Variants in LHPP observed in about 807,000 individuals in gnomAD.
LHPP encodes the protein hLHPP.
A neutral mutation model predicts 30.3 loss-of-function variants in LHPP; 24 were observed. The ratio of observed to expected loss-of-function variants is 0.79; its 90% CI spans 0.57 to 1.11. LHPP has a LOEUF of 1.11. Among genes scored for constraint, LHPP ranks in the 50% most tolerant of loss-of-function variants. LHPP has a pLI of 0.00. For missense variants in LHPP, 356 were observed against 367.2 expected, an observed-to-expected ratio of 0.97 and a Z score of 0.25; for synonymous variants, 150 against 157.1, an observed-to-expected ratio of 0.95 and a Z score of 0.34.
At chr10:124,531,050 T>TC in intron 6 of LHPP, among the ~76,000 whole-genome samples, 1 of 152,122 alleles carries the variant, frequency 6.6e-6, no homozygotes, top group Non-Finnish European at 1.5e-5. Flanking sequence ...CCCGCCAAGC[T>TC]CCCCTCCTGC....
chr10:124,587,515 C>T (rs1948819913), intron 6 of LHPP, among the ~76,000 whole-genome samples: 2 of 151,184 alleles, frequency 1.3e-5, no homozygotes, highest in South Asian at 2.1e-4. Flanking sequence ...CCGAGACGGG[C>T]GGATCACCTG....
At chr10:124,470,558 C>T (rs1052194852) in intron 1 of LHPP, among the ~76,000 whole-genome samples, 1 of 151,966 alleles carries the variant, frequency 6.6e-6, no homozygotes, top group African/African-American at 2.4e-5. Flanking sequence ...TCCAGCTGGT[C>T]CTGGCACCCC....
In LHPP at chr10:124,485,489, G is replaced by A. The variant is rs898790945; in HGVS notation, c.313+1163G>A. 2.6e-5 allele frequency among the ~76,000 whole-genome samples: 4 copies of A among 151,554 alleles called. No individual in the cohort carries two copies. The South Asian group carries it at 6.2e-4, about 24-fold the overall frequency. On this transcript the variant is annotated intron_variant, in intron 2 of 6. Transcript: ENST00000368842. ...CCGTGTTTTCAATAACTAGACCCTT[G>A]TTTTCAGACTTGGAATTTTTTTTTT...
chr10:124,513,600 G>T (rs1459936084), intron 5 of LHPP, among the ~76,000 whole-genome samples: 1 of 150,428 alleles, frequency 6.6e-6, no homozygotes, highest in Non-Finnish European at 1.5e-5. Context: ...GAGTATCTGG[G>T]ATTACAGGTG....
At chr10:124,542,356 C>T (rs1955217752) in intron 6 of LHPP, among the ~76,000 whole-genome samples, 1 of 152,210 alleles carries the variant, frequency 6.6e-6, no homozygotes, top group African/African-American at 2.4e-5. Flanking sequence ...CAGAGAGGTA[C>T]GAATACATCT....
intron 5 of LHPP, among the ~76,000 whole-genome samples, chr10:124,511,934 C>A (rs999863954): frequency 6.6e-6 from 1 of 152,050 alleles, no homozygotes; most frequent in African/African-American, 2.4e-5. Context: ...TGTCCTACAA[C>A]CTGGTTGGCC....
At chr10:124,506,105 C>T (rs904986394) in intron 5 of LHPP, among the ~76,000 whole-genome samples, 2 of 152,064 alleles carry the variant, frequency 1.3e-5, no homozygotes, top group Non-Finnish European at 2.9e-5. Flanking sequence ...ATTAACTGGG[C>T]ATGGTGGCTG....
intron 5 of LHPP, among the ~76,000 whole-genome samples, chr10:124,507,281 G>T (rs1231120989): frequency 1.0e-5 from 1 of 95,802 alleles, no homozygotes; most frequent in African/African-American, 5.2e-5. Flanking sequence ...ATTTCAGGTG[G>T]GGGGGTAGGG....
At chr10:124,519,679 A>G (rs1342573210) in intron 6 of LHPP, among the ~76,000 whole-genome samples, 1 of 152,128 alleles carries the variant, frequency 6.6e-6, no homozygotes, top group Non-Finnish European at 1.5e-5. Flanking sequence ...TATAAGTGAG[A>G]ACATACAGTG....
intron 3 of LHPP, among the ~76,000 whole-genome samples, chr10:124,493,017 G>T (rs938330664): frequency 2.0e-5 from 3 of 151,290 alleles, no homozygotes; most frequent in African/African-American, 7.3e-5. Flanking sequence ...GTAAGATTCC[G>T]TCTCTACAAA....
At position 124,517,311 on chromosome 10, in the gene LHPP, G is replaced by C. The variant is rs1436641467; in HGVS notation, c.716+40G>C. The C allele has an allele frequency of 1.6e-6, 2 of 1,281,522 alleles. No homozygotes were observed. Among genetic ancestry groups the C allele is most frequent in the Non-Finnish European group, 2.2e-6 (2 of 921,026 alleles). The allele number at this position is 1,281,522 out of a possible 1,614,324, so 79.4% of individuals were successfully genotyped here. ...GAGTCATTTATTCACCTTCCTTCCA[G>C]GGGATGACCACATTCTCATTCTGTT... On this transcript the variant is annotated intron_variant, in intron 6 of 6. Transcript: ENST00000368842. The surrounding 1 kb of genome is among the most constrained non-coding windows in gnomAD (Gnocchi z 4.1).
At chr10:124,552,679 G>C (rs12241406) in intron 6 of LHPP, among the ~76,000 whole-genome samples, 1 of 152,016 alleles carries the variant, frequency 6.6e-6, no homozygotes, top group Admixed American at 6.5e-5. Context: ...TGGACTGGAC[G>C]CGTGGCTGCC....
chr10:124,602,093 A>G (rs899158917), intron 6 of LHPP, among the ~76,000 whole-genome samples: 2 of 152,176 alleles, frequency 1.3e-5, no homozygotes, highest in African/African-American at 2.4e-5. Context: ...GCCAGAGTCA[A>G]CCAGCCCACC....
intron 6 of LHPP, among the ~76,000 whole-genome samples, chr10:124,537,608 A>C (rs935722196): frequency 6.6e-6 from 1 of 152,172 alleles, no homozygotes; most frequent in African/African-American, 2.4e-5. Flanking sequence ...CGTGCTCGTG[A>C]GAGATGGCAG....
rs1412515567 is a variant in LHPP at position 124,593,025 on chromosome 10, A to C, written c.717-20239A>C. On this transcript the variant is annotated intron_variant, in intron 6 of 6. Transcript: ENST00000368842. This position sits in a 1 kb window ranked among gnomAD's most constrained non-coding sequence, Gnocchi z 4.9. ...CAGCTATGATTGATGAGGTGGCCTC[A>C]GTCGGCGTTTCGGGGAACCGGGTAC... Among the ~76,000 whole-genome samples the C allele has an allele frequency of 6.6e-6, 1 of 152,224 alleles. No individual in the cohort carries two copies.
chr10:124,611,180 G>C (rs1949193198), intron 6 of LHPP, among the ~76,000 whole-genome samples: 1 of 151,426 alleles, frequency 6.6e-6, no homozygotes, highest in African/African-American at 2.4e-5. Context: ...GGCATCTGTA[G>C]GTGCCCCTGC....
intron 6 of LHPP, among the ~76,000 whole-genome samples, chr10:124,563,228 C>A (rs774283822): frequency 2.0e-5 from 3 of 151,832 alleles, no homozygotes; most frequent in Non-Finnish European, 4.4e-5. Flanking sequence ...ATCCAGGTGT[C>A]CTTCAGTGGG....
At chr10:124,501,263 A>C (rs1438532530) in intron 5 of LHPP, among the ~76,000 whole-genome samples, 1 of 151,826 alleles carries the variant, frequency 6.6e-6, no homozygotes, top group Non-Finnish European at 1.5e-5. Flanking sequence ...GGGAATGGGG[A>C]GTGCAGCTTC....
chr10:124,550,875 T>C (rs1948150979), intron 6 of LHPP, among the ~76,000 whole-genome samples: 1 of 152,136 alleles, frequency 6.6e-6, no homozygotes, highest in Non-Finnish European at 1.5e-5. Context: ...CAAGGTAACG[T>C]CCAAGCTCTG....
Sources: allele counts gnomAD v4.1 joint callset (sites outside exome capture counted in the v4.1 genomes callset), GRCh38; gene constraint gnomAD v4.1.1; non-coding constraint Gnocchi (gnomAD v3.1); transcripts MANE v1.5; gene names NCBI Gene and HGNC (gene_info 2026-07-23, HGNC 2026-07-21).